LTBP1: variants seen among roughly 807,000 people sequenced by gnomAD.
LTBP1 encodes latent-transforming growth factor beta-binding protein 1.
Under a neutral mutation model 207.6 loss-of-function variants are expected in LTBP1, and 129 were observed. That is an observed-to-expected ratio of 0.62 (90% CI 0.54 to 0.72). The LOEUF is 0.72. LTBP1 is among the 30% of genes least tolerant of loss of function. The pLI is 0.00. For missense variants in LTBP1, 2,281 were observed against 2,217.2 expected (o/e 1.03, Z -0.58); for synonymous variants, 963 against 833.7 (o/e 1.16, Z -2.67).
intron 22 of LTBP1, among the ~76,000 whole-genome samples, chr2:33,305,029 A>T (rs2094062788): frequency 6.6e-6 from 1 of 152,172 alleles, no homozygotes. Flanking sequence ...AAATACAATA[A>T]ATGGCTGGGT....
rs538992561 is a variant in LTBP1, at chr2:33,360,724, A to G, written c.4128A>G (p.Ser1376=). The part of the protein sequence containing the change: ...NVTKQECCCT[S]GVGWGDNCEI... ...CGAAACAAGAATGCTGCTGTACATC[A>G]GGCGTGGGATGGGGAGATAACTGCG... Residue 1376 remains serine, a synonymous_variant, in exon 27 of 34, where the codon TCA becomes TCG. Transcript: ENST00000404816. The G allele has an allele frequency of 6.2e-7, 1 of 1,614,054 alleles. No individual in the cohort carries two copies. The highest frequency in any genetic ancestry group is 8.5e-7 in the Non-Finnish European group (1 of 1,179,900).
chr2:32,952,197 T>C (rs184297975), intron 2 of LTBP1, among the ~76,000 whole-genome samples: 2 of 152,316 alleles, frequency 1.3e-5, no homozygotes, highest in African/African-American at 4.8e-5. Context: ...CTAATTTAAA[T>C]GGACCATGAT....
chr2:33,078,150 C>T (rs2078185419), intron 3 of LTBP1, among the ~76,000 whole-genome samples: 1 of 152,172 alleles, frequency 6.6e-6, no homozygotes, highest in Non-Finnish European at 1.5e-5. Context: ...CTTCATTAAT[C>T]ATGAAATGTG....
rs540917416 is a variant in LTBP1 at position 33,053,128 on chromosome 2, C to T, written c.863+31922C>T. Among the ~76,000 whole-genome samples the T allele has an allele frequency of 2.1e-3, 316 of 152,330 alleles. 2 individuals carry two copies. In the South Asian group the frequency reaches 0.029, roughly 14 times the overall value. On this transcript the variant is annotated intron_variant, in intron 3 of 33. Coordinates refer to ENST00000404816, the MANE Select transcript of LTBP1 (RefSeq NM_206943.4). The stretch of plus-strand genomic sequence containing the variant: ...TCAAGTGATCTGCCTGCCTCAGCCT[C>T]CCAAAGTGCTGGAATTACAGGCGTA...
At chr2:33,066,063 T>C (rs2077493962) in intron 3 of LTBP1, among the ~76,000 whole-genome samples, 1 of 152,208 alleles carries the variant, frequency 6.6e-6, no homozygotes, top group Non-Finnish European at 1.5e-5. Flanking sequence ...TTGAACTCTT[T>C]ATATAATACT....
At chr2:33,102,299 A>G (rs567458232) in intron 3 of LTBP1, among the ~76,000 whole-genome samples, 3 of 152,292 alleles carry the variant, frequency 2.0e-5, no homozygotes, top group African/African-American at 4.8e-5. Context: ...TGTTCTGTGC[A>G]TTATAGGATA....
At chr2:33,283,426 A>ATT (rs1287674246) in intron 19 of LTBP1, among the ~76,000 whole-genome samples, 1 of 110,902 alleles carries the variant, frequency 9.0e-6, no homozygotes, top group Non-Finnish European at 1.9e-5. Context: ...AACATTAAAG[A>ATT]CTTTTTTTTT....
At chr2:33,227,545 C>T (rs1180321829) in intron 9 of LTBP1, among the ~76,000 whole-genome samples, 1 of 152,188 alleles carries the variant, frequency 6.6e-6, no homozygotes, top group East Asian at 1.9e-4. Context: ...TACTTATGCC[C>T]CATGCCACAC....
intron 31 of LTBP1, among the ~76,000 whole-genome samples, chr2:33,369,405 C>T (rs2095040140): frequency 6.6e-6 from 1 of 152,120 alleles, no homozygotes. Context: ...CATTCATTGA[C>T]ATTAAAGATG....
At chr2:32,963,290 G>C (rs1679418846) in intron 2 of LTBP1, among the ~76,000 whole-genome samples, 1 of 152,086 alleles carries the variant, frequency 6.6e-6, no homozygotes, top group Non-Finnish European at 1.5e-5. Context: ...CTGTGATCTT[G>C]CACTCCTGGG....
At chr2:33,047,078 G>T (rs1347912875) in intron 3 of LTBP1, among the ~76,000 whole-genome samples, 1 of 152,032 alleles carries the variant, frequency 6.6e-6, no homozygotes, top group Non-Finnish European at 1.5e-5. Context: ...TGGATTCATT[G>T]ATTTTTTGAA....
chr2:33,091,424 G>A (rs574546281), intron 3 of LTBP1, among the ~76,000 whole-genome samples: 1 of 152,244 alleles, frequency 6.6e-6, no homozygotes, highest in South Asian at 2.1e-4. Context: ...CCAAAGATGG[G>A]TAAATAGTGC....
intron 15 of LTBP1, among the ~76,000 whole-genome samples, chr2:33,268,887 T>G (rs2093249585): frequency 6.6e-6 from 1 of 152,172 alleles, no homozygotes; most frequent in Non-Finnish European, 1.5e-5. Flanking sequence ...CTGAGTTAAC[T>G]GCCTTGTGGA....
At chr2:33,085,327 C>G (rs151198614) in intron 3 of LTBP1, among the ~76,000 whole-genome samples, 8 of 152,314 alleles carry the variant, frequency 5.3e-5, no homozygotes, top group African/African-American at 1.4e-4. Context: ...AGTTAATACA[C>G]TGCCCAAACT....
At chr2:33,263,506 G>A in intron 15 of LTBP1, 114 bp downstream of exon 15, 1 of 649,990 alleles carries the variant, frequency 1.5e-6, no homozygotes, top group Non-Finnish European at 2.7e-6. Flanking sequence ...AGCCATACTA[G>A]CAAATATTTG....
chr2:33,190,630 TTTG>T (rs1458754819), intron 7 of LTBP1, among the ~76,000 whole-genome samples: 1 of 152,176 alleles, frequency 6.6e-6, no homozygotes, highest in Non-Finnish European at 1.5e-5. Context: ...CTCATGAGAC[TTTG>T]TTAAGATTAA....
rs868337618 is a variant in LTBP1 at position 33,393,914 on chromosome 2, T to A, written c.4835-3219T>A. 2.8e-4 allele frequency among the ~76,000 whole-genome samples: 43 copies of A among 152,146 alleles called. No homozygotes were observed. The Middle Eastern group carries it at 0.014, about 48-fold the overall frequency. On this transcript the variant is annotated intron_variant, in intron 32 of 33. Coordinates refer to ENST00000404816, the MANE Select transcript of LTBP1 (RefSeq NM_206943.4). ...CTAGTTTACAGTCCCACCAACAGTGTAAAAGTGTTCCTATTTCTCCACATC... is the reference window on the plus strand; with the variant it reads ...CTAGTTTACAGTCCCACCAACAGTGAAAAAGTGTTCCTATTTCTCCACATC...
intron 22 of LTBP1, among the ~76,000 whole-genome samples, chr2:33,308,202 A>G (rs17012805): frequency 0.04 from 6,123 of 152,288 alleles, 405 homozygotes; most frequent in African/African-American, 0.13. Context: ...CTAGGGGTAA[A>G]CATGGTAATC....
intron 5 of LTBP1, among the ~76,000 whole-genome samples, chr2:33,176,957 G>A (rs1231830973): frequency 6.6e-6 from 1 of 152,150 alleles, no homozygotes; most frequent in Admixed American, 6.5e-5. Flanking sequence ...TCTGTGTACT[G>A]TGAATATATG....
Sources: gnomAD v4.1 joint callset for allele counts (sites outside exome capture counted in the v4.1 genomes callset) on GRCh38, gnomAD v4.1.1 for gene constraint, MANE v1.5 for transcripts, NCBI Gene and HGNC (gene_info 2026-07-23, HGNC 2026-07-21) for gene names.